FBXL17: variants seen among roughly 807,000 people sequenced by gnomAD.
FBXL17 encodes F-box/LRR-repeat protein 17.
FBXL17 carries 22 observed loss-of-function variants against 66.2 expected under a neutral mutation model. The observed-to-expected ratio is 0.33, with a 90% CI of 0.24 to 0.47. FBXL17 has a LOEUF of 0.47. Among genes scored for constraint, FBXL17 ranks in the 20% least tolerant of loss-of-function variants. The pLI, the probability that FBXL17 is intolerant of heterozygous loss-of-function variation, is 1.00. For missense variants in FBXL17, 878 were observed against 948.2 expected (o/e 0.93, Z 0.97); for synonymous variants, 474 against 400.5 (o/e 1.18, Z -2.19).
At chr5:107,963,458 A>T (rs1751996804) in intron 7 of FBXL17, among the ~76,000 whole-genome samples, 2 of 152,162 alleles carry the variant, frequency 1.3e-5, no homozygotes, top group Non-Finnish European at 2.9e-5. Flanking sequence ...TTTGCCACTA[A>T]TTTTAATGAG....
At chr5:107,906,278 T>C (rs1749755927) in intron 7 of FBXL17, among the ~76,000 whole-genome samples, 1 of 152,128 alleles carries the variant, frequency 6.6e-6, no homozygotes, top group Admixed American at 6.6e-5. Context: ...ATATATCCAG[T>C]ATTTATTACT....
intron 1 of FBXL17, among the ~76,000 whole-genome samples, chr5:108,368,416 A>C (rs1404333852): frequency 6.6e-6 from 1 of 152,086 alleles, no homozygotes; most frequent in Non-Finnish European, 1.5e-5. Context: ...AGAAAAACAA[A>C]AGTAAATCAT....
chr5:108,126,637 C>CTCTCTG (rs1750712659), intron 6 of FBXL17, among the ~76,000 whole-genome samples: 1 of 67,580 alleles, frequency 1.5e-5, no homozygotes, highest in African/African-American at 6.2e-5. Context: ...CTCTGTCTCT[C>CTCTCTG]TCTCTCTCTC....
intron 4 of FBXL17, among the ~76,000 whole-genome samples, chr5:108,285,791 T>C (rs1757876346): frequency 6.6e-6 from 1 of 150,390 alleles, no homozygotes; most frequent in Non-Finnish European, 1.5e-5. Context: ...ATAACATATA[T>C]AATAATAATG....
chr5:107,943,571 T>C (rs895941738), intron 7 of FBXL17, among the ~76,000 whole-genome samples: 1 of 150,358 alleles, frequency 6.7e-6, no homozygotes, highest in African/African-American at 2.5e-5. Flanking sequence ...TCACCCAATC[T>C]ACTGCAATCA....
At chr5:108,320,502 G>A (rs1032747311) in intron 4 of FBXL17, among the ~76,000 whole-genome samples, 3 of 151,496 alleles carry the variant, frequency 2.0e-5, no homozygotes, top group African/African-American at 7.3e-5. Flanking sequence ...TAAAAAAATT[G>A]GACTATAATA....
At chr5:107,918,670 T>C (rs1044934540) in intron 7 of FBXL17, among the ~76,000 whole-genome samples, 2 of 152,228 alleles carry the variant, frequency 1.3e-5, no homozygotes, top group African/African-American at 4.8e-5. Context: ...GTATTTGAAA[T>C]AGTTACCTTA....
chr5:108,042,977 G>A (rs1005834464), intron 6 of FBXL17, among the ~76,000 whole-genome samples: 1 of 152,022 alleles, frequency 6.6e-6, no homozygotes, highest in African/African-American at 2.4e-5. Context: ...TTCCCTAATG[G>A]CTAAAGACAG....
intron 6 of FBXL17, among the ~76,000 whole-genome samples, chr5:108,155,463 C>T (rs1310524299): frequency 1.3e-5 from 2 of 151,946 alleles, no homozygotes; most frequent in East Asian, 1.9e-4. Context: ...TGTAGTGAGA[C>T]GAGATCGCAC....
At chr5:107,987,016 A>G (rs1184737731) in intron 7 of FBXL17, among the ~76,000 whole-genome samples, 1 of 152,060 alleles carries the variant, frequency 6.6e-6, no homozygotes, top group African/African-American at 2.4e-5. Context: ...GAATAAACTC[A>G]GGACAAAAAT....
chr5:108,224,041 T>C (rs1364788010), intron 5 of FBXL17, 80 bp downstream of exon 5: 6 of 606,978 alleles, frequency 9.9e-6, no homozygotes, highest in Non-Finnish European at 1.5e-5. Flanking sequence ...CTGTCCCTTA[T>C]TCAAGTAAAT....
chr5:107,972,933 C>T (rs1470656285), intron 7 of FBXL17, among the ~76,000 whole-genome samples: 1 of 152,168 alleles, frequency 6.6e-6, no homozygotes, highest in East Asian at 1.9e-4. Flanking sequence ...ATGAGTTTTA[C>T]AGCATGCTTT....
At chr5:108,169,556 T>C (rs987175636) in intron 6 of FBXL17, among the ~76,000 whole-genome samples, 2 of 152,184 alleles carry the variant, frequency 1.3e-5, no homozygotes, top group African/African-American at 4.8e-5. Context: ...TTTATCCCCC[T>C]GTATTTAGTT....
rs1491338610 is a variant in FBXL17, at chr5:108,009,259, T to TAAAA, written c.1822+11665_1822+11666insTTTT. On this transcript the variant is annotated intron_variant, in intron 7 of 8. Coordinates refer to ENST00000542267, the MANE Select transcript of FBXL17 (RefSeq NM_001163315.3). ...CAGCTTGGTCGTGAGTTGTTCCCTG[T>TAAAA]TTTATATATATATATATATATATAT... 6.9e-4 allele frequency among the ~76,000 whole-genome samples: 7 copies of TAAAA among 10,100 alleles called. 1 individual carries two copies. The East Asian group carries it at 0.034, about 49-fold the overall frequency. The allele number at this position is 10,100 out of a possible 152,430, so 6.6% of individuals were successfully genotyped here.
At chr5:107,892,927 A>G (rs1749243896) in intron 7 of FBXL17, among the ~76,000 whole-genome samples, 1 of 152,228 alleles carries the variant, frequency 6.6e-6, no homozygotes, top group Non-Finnish European at 1.5e-5. Flanking sequence ...ATTAGAATAC[A>G]GCAAATAATA....
At chr5:107,957,318 G>A (rs1410229448) in intron 7 of FBXL17, among the ~76,000 whole-genome samples, 1 of 151,992 alleles carries the variant, frequency 6.6e-6, no homozygotes, top group Non-Finnish European at 1.5e-5. Flanking sequence ...TTAGTGTGAT[G>A]AGGAAGTAAC....
chr5:107,891,900 C>T (rs768296436), intron 7 of FBXL17, among the ~76,000 whole-genome samples: 21 of 152,002 alleles, frequency 1.4e-4, no homozygotes, highest in Non-Finnish European at 2.5e-4. Flanking sequence ...CTTCAACTTA[C>T]GATGGGGTTA....
intron 6 of FBXL17, among the ~76,000 whole-genome samples, chr5:108,140,588 T>C (rs1751311824): frequency 1.3e-5 from 2 of 152,198 alleles, no homozygotes; most frequent in Non-Finnish European, 1.5e-5. Context: ...ATGACATTTA[T>C]TGGGGTTACA....
At chr5:108,152,144 C>A (rs1751796406) in intron 6 of FBXL17, among the ~76,000 whole-genome samples, 1 of 152,114 alleles carries the variant, frequency 6.6e-6, no homozygotes, top group African/African-American at 2.4e-5. Flanking sequence ...AAGATTTAAC[C>A]AGAAGCACAA....
Sources: allele counts gnomAD v4.1 joint callset (sites outside exome capture counted in the v4.1 genomes callset), GRCh38; gene constraint gnomAD v4.1.1; transcripts MANE v1.5; gene names NCBI Gene and HGNC (gene_info 2026-07-23, HGNC 2026-07-21).